The following FAM110B variants were observed in gnomAD, a reference collection of about 807,000 sequenced individuals.
FAM110B encodes the protein family with sequence similarity 110 member B.
Under a neutral mutation model 20.4 loss-of-function variants are expected in FAM110B, and 6 were observed. That is an observed-to-expected ratio of 0.29 (90% CI 0.16 to 0.58). The LOEUF is 0.58. FAM110B is among the 20% of genes least tolerant of loss of function. FAM110B has a pLI of 0.90. For synonymous variants in FAM110B, 226 were observed against 214.1 expected (o/e 1.06, Z -0.49); for missense variants, 434 against 498.2 (o/e 0.87, Z 1.23).
chr8:58,123,497 A>G (rs902228302), intron 3 of FAM110B, among the ~76,000 whole-genome samples: 14 of 152,212 alleles, frequency 9.2e-5, no homozygotes, highest in African/African-American at 3.4e-4. Flanking sequence ...GAGATAAACT[A>G]AATAAATCTT....
intron 3 of FAM110B, among the ~76,000 whole-genome samples, chr8:58,101,453 A>G: frequency 6.6e-6 from 1 of 152,222 alleles, no homozygotes; most frequent in East Asian, 1.9e-4. Flanking sequence ...TCGTTTTTAA[A>G]CTTATGCCAG....
intron 1 of FAM110B, among the ~76,000 whole-genome samples, chr8:58,011,192 A>G (rs898278891): frequency 6.6e-6 from 1 of 152,178 alleles, no homozygotes; most frequent in Non-Finnish European, 1.5e-5. Flanking sequence ...AAAGACCCTA[A>G]GGTTAAAGAA....
At chr8:58,027,819 C>A (rs893007955) in intron 1 of FAM110B, among the ~76,000 whole-genome samples, 3 of 152,112 alleles carry the variant, frequency 2.0e-5, no homozygotes, top group African/African-American at 7.2e-5. Flanking sequence ...GTGTGGTATA[C>A]CACAAATTGT....
intron 3 of FAM110B, among the ~76,000 whole-genome samples, chr8:58,139,807 G>A (rs1272340441): frequency 1.3e-5 from 2 of 152,146 alleles, no homozygotes; most frequent in Non-Finnish European, 2.9e-5. Flanking sequence ...GCAGCTGCCT[G>A]TAGTCCCAGC....
At chr8:58,056,216 G>A (rs780983609) in intron 2 of FAM110B, among the ~76,000 whole-genome samples, 1 of 152,142 alleles carries the variant, frequency 6.6e-6, no homozygotes, top group Non-Finnish European at 1.5e-5. Context: ...CTAATCCCTA[G>A]TTTAGTATAT....
At chr8:58,092,305 T>G (rs1159319978) in intron 3 of FAM110B, among the ~76,000 whole-genome samples, 1 of 152,186 alleles carries the variant, frequency 6.6e-6, no homozygotes, top group Admixed American at 6.5e-5. Context: ...TGCGGGTTTG[T>G]TACATAGGTA....
At chr8:58,067,444 T>G (rs1805795957) in intron 2 of FAM110B, among the ~76,000 whole-genome samples, 1 of 152,136 alleles carries the variant, frequency 6.6e-6, no homozygotes. Context: ...TCCTCTAGTG[T>G]GTATGGTTGT....
chr8:58,131,569 C>A (rs764170537), intron 3 of FAM110B, among the ~76,000 whole-genome samples: 1 of 152,206 alleles, frequency 6.6e-6, no homozygotes, highest in Non-Finnish European at 1.5e-5. Context: ...CTCCTGAAAC[C>A]CTGCCAATCA....
At chr8:58,100,425 G>C (rs893556919) in intron 3 of FAM110B, among the ~76,000 whole-genome samples, 3 of 152,186 alleles carry the variant, frequency 2.0e-5, no homozygotes, top group African/African-American at 7.2e-5. Context: ...CTAGCAAAAT[G>C]CCACAGACTG....
intron 3 of FAM110B, among the ~76,000 whole-genome samples, chr8:58,106,868 T>A (rs1563372285): frequency 1.3e-5 from 2 of 152,222 alleles, no homozygotes; most frequent in Non-Finnish European, 2.9e-5. Context: ...CCTCAGTGTG[T>A]TTATGTTGTC....
intron 2 of FAM110B, among the ~76,000 whole-genome samples, chr8:58,033,234 A>G (rs936064379): frequency 6.6e-6 from 1 of 151,990 alleles, no homozygotes; most frequent in African/African-American, 2.4e-5. Flanking sequence ...ACGTGATTGC[A>G]TTTTTTTAAT....
chr8:58,013,617 CAG>C (rs944484913), intron 1 of FAM110B, among the ~76,000 whole-genome samples: 7 of 152,128 alleles, frequency 4.6e-5, no homozygotes, highest in African/African-American at 1.4e-4. Flanking sequence ...TTCAGGGACA[CAG>C]AGGGGGAGTC....
intron 3 of FAM110B, among the ~76,000 whole-genome samples, chr8:58,093,885 G>A (rs887457261): frequency 1.1e-4 from 16 of 152,238 alleles, no homozygotes; most frequent in African/African-American, 3.6e-4. Context: ...CACTAGCATG[G>A]AATGTTTTTC....
At chr8:58,004,108 A>G (rs1189743666) in intron 1 of FAM110B, among the ~76,000 whole-genome samples, 1 of 152,196 alleles carries the variant, frequency 6.6e-6, no homozygotes, top group Non-Finnish European at 1.5e-5. Flanking sequence ...TCTCCTAAGA[A>G]GCACGCAACC....
chr8:58,048,130 A>G (rs1805367610), intron 2 of FAM110B, among the ~76,000 whole-genome samples: 2 of 152,186 alleles, frequency 1.3e-5, no homozygotes, highest in Admixed American at 6.5e-5. Context: ...CTCATCAGTG[A>G]ATTGTTTGGC....
intron 3 of FAM110B, among the ~76,000 whole-genome samples, chr8:58,117,325 T>C (rs1807239035): frequency 6.6e-6 from 1 of 152,170 alleles, no homozygotes; most frequent in African/African-American, 2.4e-5. Flanking sequence ...CATGAACCAG[T>C]ATTCGAGAAA....
At chr8:58,090,318 C>G (rs1442520081) in intron 3 of FAM110B, among the ~76,000 whole-genome samples, 1 of 152,162 alleles carries the variant, frequency 6.6e-6, no homozygotes, top group Non-Finnish European at 1.5e-5. Context: ...TGCCGCCACA[C>G]CTGGCTAACT....
chr8:58,145,488 G>C (rs1401798178), intron 3 of FAM110B, among the ~76,000 whole-genome samples: 1 of 152,164 alleles, frequency 6.6e-6, no homozygotes, highest in Non-Finnish European at 1.5e-5. Context: ...GCAACCGGGG[G>C]GCATGGAAGG....
intron 1 of FAM110B, among the ~76,000 whole-genome samples, chr8:58,023,546 A>C (rs1221844624): frequency 6.6e-6 from 1 of 152,186 alleles, no homozygotes; most frequent in African/African-American, 2.4e-5. Context: ...AGGTGGCCCT[A>C]CCATTCTCTC....
Sources: gnomAD v4.1 joint callset for allele counts (sites outside exome capture counted in the v4.1 genomes callset) on GRCh38, gnomAD v4.1.1 for gene constraint, MANE v1.5 for transcripts, NCBI Gene and HGNC (gene_info 2026-07-23, HGNC 2026-07-21) for gene names.